Variants in PCBP3 observed in about 807,000 individuals in gnomAD.
PCBP3 encodes the protein poly(rC)-binding protein 3.
PCBP3 carries 25 observed loss-of-function variants against 52.7 expected under a neutral mutation model. The ratio of observed to expected loss-of-function variants is 0.47; its 90% CI spans 0.35 to 0.66. The LOEUF is 0.66. Among genes scored for constraint, PCBP3 ranks in the 30% least tolerant of loss-of-function variants. The pLI is 0.01. For missense variants in PCBP3, 391 were observed against 490.3 expected, an observed-to-expected ratio of 0.80 and a Z score of 1.91; for synonymous variants, 162 against 183.0, an observed-to-expected ratio of 0.89 and a Z score of 0.93.
At chr21:45,701,596 C>T (rs1007154668) in intron 2 of PCBP3, among the ~76,000 whole-genome samples, 4 of 152,186 alleles carry the variant, frequency 2.6e-5, no homozygotes, top group South Asian at 4.1e-4. Flanking sequence ...GACTCTTGCT[C>T]TGTTGCCAGG....
At chr21:45,806,935 G>C (rs2092524355) in intron 4 of PCBP3, among the ~76,000 whole-genome samples, 1 of 152,158 alleles carries the variant, frequency 6.6e-6, no homozygotes, top group Non-Finnish European at 1.5e-5. Context: ...ACTCTCTGTG[G>C]ACACTGCACA....
chr21:45,863,519 T>G (rs552582124), intron 5 of PCBP3, among the ~76,000 whole-genome samples: 3 of 152,274 alleles, frequency 2.0e-5, no homozygotes, highest in African/African-American at 7.2e-5. Context: ...GAGTGCTGGG[T>G]CCACCCTCCA....
rs1157857501 is a variant in PCBP3, at chr21:45,735,777, G to A, written c.-162+348G>A. Reference sequence around the variant, plus strand: ...AGTGCACTTGGAGCCTACTGCACGAGCCTACCGCACAAGCCTACCGCACGC... The same window carrying A: ...AGTGCACTTGGAGCCTACTGCACGAACCTACCGCACAAGCCTACCGCACGC... On this transcript the variant is annotated intron_variant, in intron 3 of 17. Transcript: ENST00000681687. This position sits in a 1 kb window ranked among gnomAD's most constrained non-coding sequence, Gnocchi z 4.0. Among the ~76,000 whole-genome samples, 1 of 152,172 alleles carries A rather than the reference G, an allele frequency of 6.6e-6. No individual in the cohort carries two copies. The highest frequency in any genetic ancestry group is 2.4e-5 in the African/African-American group (1 of 41,450).
Position 45,770,173 on chromosome 21 carries a change from C to T in PCBP3, c.-126+14721C>T, listed in dbSNP as rs543470907. ...CCTGAACTCCGCCGAAGGGGCGCCTCCTCTCCCCTGAAGTCAAATTAGCGA... is the reference window on the plus strand; with the variant it reads ...CCTGAACTCCGCCGAAGGGGCGCCTTCTCTCCCCTGAAGTCAAATTAGCGA... On this transcript the variant is annotated intron_variant, in intron 4 of 17. Coordinates refer to ENST00000681687, the MANE Select transcript of PCBP3 (RefSeq NM_001384156.1). Among the ~76,000 whole-genome samples the T allele has an allele frequency of 9.2e-5, 14 of 152,284 alleles. No individual in the cohort carries two copies. In the East Asian group the frequency reaches 2.7e-3, roughly 29 times the overall value.
At chr21:45,925,023 A>G (rs2075171882) in intron 13 of PCBP3, among the ~76,000 whole-genome samples, 2 of 97,944 alleles carry the variant, frequency 2.0e-5, no homozygotes, top group Admixed American at 9.4e-5. Context: ...AGATGCGAAC[A>G]CCGGGAACAG....
rs373168239 is a variant in PCBP3 at position 45,874,644 on chromosome 21, T to C, written c.11-21564T>C. 2.7e-3 allele frequency among the ~76,000 whole-genome samples: 409 copies of C among 152,174 alleles called. 3 individuals are homozygous for C. The highest frequency in any genetic ancestry group is 8.9e-3 in the African/African-American group (370 of 41,518). On this transcript the variant is annotated intron_variant, in intron 5 of 17. Transcript: ENST00000681687. ...CTTCAGCCTCCCGGAGTAGCTGGGA[T>C]TACAGGCACTTGCCACCACGCCCGG...
chr21:45,866,053 C>T (rs886524720), intron 5 of PCBP3, among the ~76,000 whole-genome samples: 3 of 152,248 alleles, frequency 2.0e-5, no homozygotes, highest in African/African-American at 4.8e-5. Flanking sequence ...AGTGGGCTTC[C>T]TTCTCCAAGC....
intron 5 of PCBP3, among the ~76,000 whole-genome samples, chr21:45,868,411 CTTTTTTTT>C (rs1232045625): frequency 8.8e-6 from 1 of 113,680 alleles, no homozygotes. Context: ...CTTATTTGTT[CTTTTTTTT>C]TTTTTTTTTT....
chr21:45,867,525 A>G (rs539419611), intron 5 of PCBP3, among the ~76,000 whole-genome samples: 2 of 152,344 alleles, frequency 1.3e-5, no homozygotes, highest in Non-Finnish European at 2.9e-5. Flanking sequence ...AAGGTTATAC[A>G]TGCAAATATC....
intron 15 of PCBP3, among the ~76,000 whole-genome samples, chr21:45,934,371 TG>T (rs908583751): frequency 1.2e-4 from 18 of 152,312 alleles, no homozygotes; most frequent in African/African-American, 4.3e-4. Context: ...CCAGTACTCA[TG>T]GGGCTTGCAG....
At chr21:45,857,101 A>ATAACT (rs1165914341) in intron 5 of PCBP3, among the ~76,000 whole-genome samples, 1 of 152,242 alleles carries the variant, frequency 6.6e-6, no homozygotes. Flanking sequence ...ACTCTCAGTT[A>ATAACT]ATCTCTTCAG....
intron 3 of PCBP3, among the ~76,000 whole-genome samples, chr21:45,739,017 G>A (rs112853960): frequency 3.7e-5 from 4 of 107,894 alleles, no homozygotes; most frequent in Non-Finnish European, 7.2e-5. Context: ...TCCTCTGGGT[G>A]GCCCCACCAT....
At chr21:45,859,916 G>A (rs1569343204) in intron 5 of PCBP3, 1 of 152,380 alleles carries the variant, frequency 6.6e-6, no homozygotes, top group East Asian at 1.9e-4. Context: ...GGAACACAGA[G>A]GGCCGCTCCA....
intron 4 of PCBP3, chr21:45,828,650 A>G (rs1281599813): frequency 1.3e-5 from 2 of 152,524 alleles, no homozygotes; most frequent in East Asian, 3.9e-4. Context: ...TTTCCATGAA[A>G]GGCGGATGGT....
intron 2 of PCBP3, among the ~76,000 whole-genome samples, chr21:45,705,378 A>C (rs1011436834): frequency 2.0e-5 from 3 of 152,228 alleles, no homozygotes; most frequent in Non-Finnish European, 2.9e-5. Context: ...ATGTGGGCAC[A>C]GTGGGTAAGT....
chr21:45,667,653 TG>T (rs2080894117), intron 1 of PCBP3, among the ~76,000 whole-genome samples: 1 of 152,162 alleles, frequency 6.6e-6, no homozygotes, highest in African/African-American at 2.4e-5. Flanking sequence ...AGTCCAACAC[TG>T]GGGCTTCCTT....
chr21:45,824,019 G>A (rs766085942), intron 4 of PCBP3, among the ~76,000 whole-genome samples: 4 of 152,234 alleles, frequency 2.6e-5, no homozygotes, highest in Non-Finnish European at 5.9e-5. Context: ...TGGGATTACA[G>A]GCATGAGCCA....
rs767564800 is a variant in PCBP3, at chr21:45,880,305, C to T, written c.11-15903C>T. On this transcript the variant is annotated intron_variant, in intron 5 of 17. Coordinates refer to ENST00000681687, the MANE Select transcript of PCBP3 (RefSeq NM_001384156.1). This position sits in a 1 kb window ranked among gnomAD's most constrained non-coding sequence, Gnocchi z 5.4. ...TCGGAGGGGAGGGGAGCGCCTGGGG[C>T]GCCGCGGTCCTGACCCCACACAACT... is the stretch of plus-strand genomic sequence containing the variant. Among the ~76,000 whole-genome samples, 2 of 152,156 alleles carry T rather than the reference C, an allele frequency of 1.3e-5. No homozygotes were observed. Among genetic ancestry groups the T allele is most frequent in the Admixed American group, 6.5e-5 (1 of 15,288 alleles).
intron 2 of PCBP3, among the ~76,000 whole-genome samples, chr21:45,715,544 G>C (rs915075227): frequency 4.6e-5 from 7 of 152,144 alleles, no homozygotes; most frequent in African/African-American, 1.4e-4. Context: ...TGAGAAATGG[G>C]AATGAAAATG....
Sources: gnomAD v4.1 joint callset for allele counts (sites outside exome capture counted in the v4.1 genomes callset) on GRCh38, gnomAD v4.1.1 for gene constraint, Gnocchi (gnomAD v3.1) non-coding constraint, MANE v1.5 for transcripts, NCBI Gene and HGNC (gene_info 2026-07-23, HGNC 2026-07-21) for gene names.